Variants in ANXA8 observed in about 807,000 individuals in gnomAD.
ANXA8 encodes annexin A8.
Under a neutral mutation model 26.8 loss-of-function variants are expected in ANXA8, and 9 were observed. The ratio of observed to expected loss-of-function variants is 0.34; its 90% CI spans 0.20 to 0.59. ANXA8 has a LOEUF of 0.59. ANXA8 is among the 20% of genes least tolerant of loss of function. The probability of loss-of-function intolerance (pLI) is 0.84; values close to 1 mark genes in which losing one functional copy is unlikely to be tolerated. For synonymous variants in ANXA8, 39 were observed against 94.8 expected (o/e 0.41, Z 3.42); for missense variants, 83 against 238.5 (o/e 0.35, Z 4.29).
At chr10:47,584,136 A>T in the ANXA8 span, among the ~76,000 whole-genome samples, 1 of 149,254 alleles carries the variant, frequency 6.7e-6, no homozygotes, top group Non-Finnish European at 1.5e-5. Context: ...CCGAGATCGC[A>T]CCACTGCACT....
the ANXA8 span, among the ~76,000 whole-genome samples, chr10:47,711,018 A>G: frequency 4.7e-5 from 7 of 149,540 alleles, no homozygotes; most frequent in East Asian, 7.8e-4. Context: ...TTAAACATTT[A>G]ATTCTGGAGA....
At chr10:47,632,428 C>A in the ANXA8 span, among the ~76,000 whole-genome samples, 13 of 148,582 alleles carry the variant, frequency 8.7e-5, no homozygotes, top group Admixed American at 2.7e-4. Context: ...CACTAAGAAC[C>A]TAGATCTCAC....
At chr10:47,558,126 T>A in the ANXA8 span, among the ~76,000 whole-genome samples, 2 of 151,976 alleles carry the variant, frequency 1.3e-5, no homozygotes, top group African/African-American at 4.8e-5. Flanking sequence ...CCAGTTAACA[T>A]AAAATAACTG....
chr10:47,588,476 A>AGCCATT, the ANXA8 span, among the ~76,000 whole-genome samples: 1 of 139,704 alleles, frequency 7.2e-6, no homozygotes, highest in Non-Finnish European at 1.5e-5. Context: ...CAACAGAAAT[A>AGCCATT]GCCATTGTGA....
chr10:47,951,023 A>C, the ANXA8 span, among the ~76,000 whole-genome samples: 1 of 150,680 alleles, frequency 6.6e-6, no homozygotes, highest in Non-Finnish European at 1.5e-5. Context: ...TAAGATAAAA[A>C]GTTCTTTGAA....
the ANXA8 span, among the ~76,000 whole-genome samples, chr10:47,535,253 C>T: frequency 3.0e-5 from 4 of 132,524 alleles, no homozygotes; most frequent in East Asian, 2.7e-4. Context: ...GGATTACAGG[C>T]GGGAGCCACC....
the ANXA8 span, among the ~76,000 whole-genome samples, chr10:47,516,742 CA>C: frequency 7.6e-6 from 1 of 131,984 alleles, no homozygotes; most frequent in South Asian, 2.3e-4. Flanking sequence ...TGTGTTTTTG[CA>C]GATGGAAAAT....
chr10:47,693,317 T>A, the ANXA8 span, among the ~76,000 whole-genome samples: 1 of 147,764 alleles, frequency 6.8e-6, no homozygotes, highest in Non-Finnish European at 1.5e-5. Context: ...TGAGACGGAG[T>A]CTGGCTCTGG....
chr10:47,603,909 C>T, the ANXA8 span, among the ~76,000 whole-genome samples: 1 of 137,302 alleles, frequency 7.3e-6, no homozygotes, highest in Non-Finnish European at 1.5e-5. Context: ...TTTGTTTTCA[C>T]TCAGGTTGGA....
chr10:47,894,866 C>G, the ANXA8 span, among the ~76,000 whole-genome samples: 1 of 152,250 alleles, frequency 6.6e-6, no homozygotes, highest in Admixed American at 6.5e-5. Context: ...ACATGCCACT[C>G]ACATACCCTA....
chr10:47,685,074 C>T, the ANXA8 span, among the ~76,000 whole-genome samples: 31 of 149,880 alleles, frequency 2.1e-4, no homozygotes, highest in African/African-American at 4.7e-4. Context: ...CCACCCAGCG[C>T]GGTGGCTCAT....
the ANXA8 span, among the ~76,000 whole-genome samples, chr10:47,580,672 G>C: frequency 8.9e-4 from 133 of 150,226 alleles, 2 homozygotes; most frequent in Non-Finnish European, 1.6e-3. Flanking sequence ...CAGCTTGGGA[G>C]GCAGAGGCTG....
the ANXA8 span, among the ~76,000 whole-genome samples, chr10:47,525,963 C>T: frequency 7.3e-6 from 1 of 136,266 alleles, no homozygotes; most frequent in African/African-American, 2.8e-5. Context: ...CGTCACCATG[C>T]CCAGCTAATT....
the ANXA8 span, among the ~76,000 whole-genome samples, chr10:47,654,258 T>C: frequency 6.8e-6 from 1 of 146,012 alleles, no homozygotes; most frequent in Non-Finnish European, 1.5e-5. Context: ...GATAGTTTTC[T>C]GAAAGTTTTA....
chr10:47,685,197 T>G, the ANXA8 span, among the ~76,000 whole-genome samples: 1 of 150,442 alleles, frequency 6.6e-6, no homozygotes, highest in Non-Finnish European at 1.5e-5. Flanking sequence ...AAATACAAAA[T>G]TAGCTGGGCA....
At chr10:47,669,625 G>A in the ANXA8 span, among the ~76,000 whole-genome samples, 1 of 151,592 alleles carries the variant, frequency 6.6e-6, no homozygotes, top group Non-Finnish European at 1.5e-5. Context: ...TGAGGTGGGA[G>A]GATCGCATGA....
chr10:47,684,429 G>GC, the ANXA8 span, among the ~76,000 whole-genome samples: 1 of 151,290 alleles, frequency 6.6e-6, no homozygotes, highest in South Asian at 2.1e-4. Context: ...TTTTTGGGGG[G>GC]GGGGTGAGGA....
chr10:47,892,535 T>G, the ANXA8 span, among the ~76,000 whole-genome samples: 1 of 147,072 alleles, frequency 6.8e-6, no homozygotes, highest in Non-Finnish European at 1.5e-5. Flanking sequence ...CACAGGCTTC[T>G]GCATAGGTGA....
chr10:47,955,286 T>C, the ANXA8 span, among the ~76,000 whole-genome samples: 1 of 150,830 alleles, frequency 6.6e-6, no homozygotes, highest in Non-Finnish European at 1.5e-5. Flanking sequence ...TTTTTTTTTT[T>C]TTGTAAATTG....
Sources: gnomAD v4.1 joint callset for allele counts (sites outside exome capture counted in the v4.1 genomes callset) on GRCh38, gnomAD v4.1.1 for gene constraint, MANE v1.5 for transcripts, NCBI Gene and HGNC (gene_info 2026-07-23, HGNC 2026-07-21) for gene names.